Variants in SLC10A7 observed in about 807,000 individuals in gnomAD.
The protein encoded by SLC10A7 is solute carrier family 10 member 7.
In SLC10A7, 29 loss-of-function variants were observed where a neutral mutation model predicts 43.2. The ratio of observed to expected loss-of-function variants is 0.67; its 90% CI spans 0.50 to 0.92. The LOEUF is 0.92. Ranked by LOEUF, SLC10A7 falls within the 40% of genes least tolerant of loss-of-function variation. SLC10A7 has a pLI of 0.00. For synonymous variants in SLC10A7, 152 were observed against 144.8 expected, an observed-to-expected ratio of 1.05 and a Z score of -0.35; for missense variants, 295 against 403.2, an observed-to-expected ratio of 0.73 and a Z score of 2.30.
At chr4:146,346,347 T>C (rs1335304111) in intron 5 of SLC10A7, among the ~76,000 whole-genome samples, 1 of 152,130 alleles carries the variant, frequency 6.6e-6, no homozygotes, top group African/African-American at 2.4e-5. Flanking sequence ...AAAATACATA[T>C]ATGTGCAATA....
At chr4:146,345,331 G>C (rs1428039545) in intron 5 of SLC10A7, among the ~76,000 whole-genome samples, 3 of 152,092 alleles carry the variant, frequency 2.0e-5, no homozygotes, top group Non-Finnish European at 4.4e-5. Context: ...TGCTCTGGGA[G>C]ACTACAACAC....
At chr4:146,416,340 G>T (rs1186417090) in intron 5 of SLC10A7, among the ~76,000 whole-genome samples, 1 of 152,104 alleles carries the variant, frequency 6.6e-6, no homozygotes, top group African/African-American at 2.4e-5. Flanking sequence ...AATTTCAAAA[G>T]ACTGGAGAGT....
At chr4:146,474,532 G>A (rs1402337006) in intron 4 of SLC10A7, among the ~76,000 whole-genome samples, 1 of 152,044 alleles carries the variant, frequency 6.6e-6, no homozygotes, top group East Asian at 1.9e-4. Flanking sequence ...CAAAAGAAAA[G>A]CATGTATATG....
chr4:146,428,576 T>C (rs1233475534), intron 5 of SLC10A7, among the ~76,000 whole-genome samples: 1 of 151,966 alleles, frequency 6.6e-6, no homozygotes, highest in Non-Finnish European at 1.5e-5. Context: ...TTCTAAGGAC[T>C]TCTAATGCCT....
intron 5 of SLC10A7, among the ~76,000 whole-genome samples, chr4:146,406,223 A>C (rs1727677311): frequency 6.6e-6 from 1 of 152,212 alleles, no homozygotes; most frequent in Non-Finnish European, 1.5e-5. Context: ...AAAAACCAAG[A>C]AAATCCATAT....
chr4:146,327,602 A>G (rs1283124650), intron 5 of SLC10A7, among the ~76,000 whole-genome samples: 1 of 152,250 alleles, frequency 6.6e-6, no homozygotes, highest in Non-Finnish European at 1.5e-5. Flanking sequence ...ATAATTAAAC[A>G]TCCACTTATA....
chr4:146,273,713 C>T (rs1729035008), intron 10 of SLC10A7, among the ~76,000 whole-genome samples: 1 of 152,010 alleles, frequency 6.6e-6, no homozygotes, highest in Non-Finnish European at 1.5e-5. Context: ...CAGGGAGGGG[C>T]TTGTCACTGA....
intron 4 of SLC10A7, among the ~76,000 whole-genome samples, chr4:146,462,117 T>C (rs1348621032): frequency 6.6e-6 from 1 of 152,112 alleles, no homozygotes; most frequent in Non-Finnish European, 1.5e-5. Context: ...CAATAATTGC[T>C]ATAAAATGTT....
intron 4 of SLC10A7, among the ~76,000 whole-genome samples, chr4:146,462,676 C>A (rs1457135163): frequency 6.6e-6 from 1 of 152,138 alleles, no homozygotes; most frequent in Non-Finnish European, 1.5e-5. Flanking sequence ...TTAAGGTTAT[C>A]CTTCCGTTAG....
intron 5 of SLC10A7, among the ~76,000 whole-genome samples, chr4:146,439,035 T>C (rs1197727109): frequency 2.0e-5 from 3 of 152,068 alleles, no homozygotes; most frequent in African/African-American, 4.8e-5. Context: ...TCACTTACTA[T>C]GCTCCACAAT....
chr4:146,505,080 T>C (rs183187108), intron 3 of SLC10A7, among the ~76,000 whole-genome samples: 1 of 152,226 alleles, frequency 6.6e-6, no homozygotes, highest in Non-Finnish European at 1.5e-5. Flanking sequence ...TGACACAGAG[T>C]ATCTGACTTA....
chr4:146,441,284 A>C (rs1167610872), intron 5 of SLC10A7, among the ~76,000 whole-genome samples: 1 of 152,188 alleles, frequency 6.6e-6, no homozygotes, highest in African/African-American at 2.4e-5. Context: ...GTTGTACTTC[A>C]CTAGACCTTA....
At chr4:146,350,295 C>A (rs1734961228) in intron 5 of SLC10A7, among the ~76,000 whole-genome samples, 1 of 151,684 alleles carries the variant, frequency 6.6e-6, no homozygotes, top group African/African-American at 2.4e-5. Context: ...AATCGGGTCA[C>A]TCCCACCCGA....
chr4:146,397,969 T>A (rs988394134), intron 5 of SLC10A7, among the ~76,000 whole-genome samples: 5 of 152,208 alleles, frequency 3.3e-5, no homozygotes, highest in Admixed American at 2.0e-4. Flanking sequence ...CATGAAGTTG[T>A]AAAGCAAAGT....
intron 4 of SLC10A7, among the ~76,000 whole-genome samples, chr4:146,472,358 A>C (rs1733641243): frequency 1.3e-5 from 2 of 152,146 alleles, no homozygotes; most frequent in African/African-American, 4.8e-5. Context: ...CTTTCTAATA[A>C]ACTTTCTGTC....
At chr4:146,300,171 C>G (rs1378934718) in intron 7 of SLC10A7, among the ~76,000 whole-genome samples, 2 of 152,058 alleles carry the variant, frequency 1.3e-5, no homozygotes, top group East Asian at 3.9e-4. Context: ...AATCTGGGGT[C>G]TTGGTGAGAC....
chr4:146,271,184 T>C (rs1728870055), intron 10 of SLC10A7, among the ~76,000 whole-genome samples: 2 of 152,216 alleles, frequency 1.3e-5, no homozygotes, highest in African/African-American at 4.8e-5. Context: ...AACTTCAGCC[T>C]GGATCAGGAT....
intron 5 of SLC10A7, 149 bp downstream of exon 5, chr4:146,442,634 C>A: frequency 6.8e-7 from 1 of 1,475,284 alleles, no homozygotes; most frequent in Admixed American, 3.2e-5. Flanking sequence ...AACTACTTTT[C>A]TTCAGGGTAT....
intron 5 of SLC10A7, among the ~76,000 whole-genome samples, chr4:146,382,803 T>G (rs918138969): frequency 2.2e-4 from 33 of 152,134 alleles, no homozygotes; most frequent in African/African-American, 7.7e-4. Flanking sequence ...TGTCCTTTCC[T>G]CTTCATAATA....
Sources: allele counts gnomAD v4.1 joint callset (sites outside exome capture counted in the v4.1 genomes callset), GRCh38; gene constraint gnomAD v4.1.1; transcripts MANE v1.5; gene names NCBI Gene and HGNC (gene_info 2026-07-23, HGNC 2026-07-21).